STX8: variants seen among roughly 807,000 people sequenced by gnomAD.
STX8 encodes syntaxin 8.
In STX8, 23 loss-of-function variants were observed where a neutral mutation model predicts 37.5. The ratio of observed to expected loss-of-function variants is 0.61; its 90% confidence interval spans 0.44 to 0.87. The LOEUF (loss-of-function observed/expected upper bound fraction) is 0.87. Ranked by LOEUF, STX8 falls within the 40% of genes least tolerant of loss-of-function variation. The pLI is 0.00. For synonymous variants in STX8, 115 were observed against 99.1 expected (o/e 1.16, Z -0.95); for missense variants, 313 against 284.7 (o/e 1.10, Z -0.71).
chr17:9,287,234 G>T (rs1908108618), intron 7 of STX8, among the ~76,000 whole-genome samples: 1 of 152,258 alleles, frequency 6.6e-6, no homozygotes, highest in Admixed American at 6.5e-5. Flanking sequence ...CAGATTTGGG[G>T]TGGGGCAGGC....
chr17:9,557,812 C>T (rs1907039617), intron 2 of STX8, among the ~76,000 whole-genome samples: 3 of 152,186 alleles, frequency 2.0e-5, no homozygotes. Context: ...GTGCTCTCAC[C>T]ATCAGCTGAA....
At chr17:9,470,178 C>G (rs563214486) in intron 6 of STX8, among the ~76,000 whole-genome samples, 1 of 152,298 alleles carries the variant, frequency 6.6e-6, no homozygotes, top group South Asian at 2.1e-4. Context: ...AGATTTCACC[C>G]TCCTGGCAGG....
At chr17:9,501,417 G>A (rs1029971124) in intron 5 of STX8, among the ~76,000 whole-genome samples, 6 of 152,168 alleles carry the variant, frequency 3.9e-5, no homozygotes, top group Non-Finnish European at 7.3e-5. Context: ...GCCCATACGC[G>A]CAGCAGCTCA....
At position 9,541,422 on chromosome 17, in the gene STX8, C is replaced by T. The variant is rs1906272347; in HGVS notation, c.323+3750G>A. On this transcript the variant is annotated intron_variant, in intron 4 of 7. Coordinates refer to ENST00000306357, the MANE Select transcript of STX8 (RefSeq NM_004853.3). ...GAAGATCTCCGAAGCAATGAGGCAG[C>T]CTGAGTTCCCTCCTAGCCGGATGGA... Among the ~76,000 whole-genome samples the T allele has an allele frequency of 2.6e-5, 4 of 152,186 alleles. No homozygotes were observed. In the South Asian group the frequency reaches 6.2e-4, roughly 24 times the overall value.
chr17:9,405,235 C>A (rs1035345790), intron 6 of STX8, among the ~76,000 whole-genome samples: 2 of 152,102 alleles, frequency 1.3e-5, no homozygotes, highest in Non-Finnish European at 2.9e-5. Context: ...TAGAGTACCA[C>A]GTGTAATGAG....
At position 9,255,020 on chromosome 17, in the gene STX8, C is replaced by T. The variant is rs1465353497; in HGVS notation, c.644-4375G>A. On this transcript the variant is annotated intron_variant, in intron 7 of 7. Coordinates refer to ENST00000306357, the MANE Select transcript of STX8 (RefSeq NM_004853.3). ...AAATTCAAAAAGTGGCCAATGCCAA[C>T]CCACAATACTACAGAGACAAGATAG... is the stretch of plus-strand genomic sequence containing the variant. 2.0e-5 allele frequency among the ~76,000 whole-genome samples: 3 copies of T among 152,120 alleles called. No homozygotes were observed. In the East Asian group the frequency reaches 5.8e-4, roughly 29 times the overall value.
At chr17:9,277,823 C>T (rs73976026) in intron 7 of STX8, among the ~76,000 whole-genome samples, 3 of 151,980 alleles carry the variant, frequency 2.0e-5, no homozygotes, top group African/African-American at 7.3e-5. Flanking sequence ...TGGAAAGAAA[C>T]CCACTGTGGT....
intron 6 of STX8, among the ~76,000 whole-genome samples, chr17:9,423,341 T>C (rs1239463492): frequency 6.6e-6 from 1 of 152,224 alleles, no homozygotes; most frequent in East Asian, 1.9e-4. Flanking sequence ...CGTTGTTTTT[T>C]GAGACGGAGT....
At chr17:9,335,866 T>C (rs1910124560) in intron 7 of STX8, among the ~76,000 whole-genome samples, 1 of 144,738 alleles carries the variant, frequency 6.9e-6, no homozygotes, top group Admixed American at 6.9e-5. Context: ...CACGTAAATA[T>C]ACTCACATGA....
intron 6 of STX8, among the ~76,000 whole-genome samples, chr17:9,438,178 G>A (rs12946139): frequency 0.27 from 40,374 of 149,040 alleles, 5,715 homozygotes; most frequent in African/African-American, 0.34. Context: ...GGGAGGCGGA[G>A]GTTGCAGTGA....
chr17:9,443,172 G>T (rs544554351), intron 6 of STX8, among the ~76,000 whole-genome samples: 23 of 152,268 alleles, frequency 1.5e-4, no homozygotes, highest in African/African-American at 5.3e-4. Context: ...TCAAACACAG[G>T]CTTGGGAATG....
intron 4 of STX8, among the ~76,000 whole-genome samples, chr17:9,517,952 G>A (rs915407020): frequency 1.3e-5 from 2 of 152,288 alleles, no homozygotes; most frequent in Non-Finnish European, 2.9e-5. Context: ...CATGTGTGAT[G>A]TAAGAGTGGA....
At chr17:9,521,982 A>G (rs1180653118) in intron 4 of STX8, among the ~76,000 whole-genome samples, 1 of 152,200 alleles carries the variant, frequency 6.6e-6, no homozygotes, top group Admixed American at 6.5e-5. Flanking sequence ...CTAAATGAAA[A>G]CCTTGATGAA....
At chr17:9,265,493 A>G (rs1169767112) in intron 7 of STX8, among the ~76,000 whole-genome samples, 1 of 152,242 alleles carries the variant, frequency 6.6e-6, no homozygotes, top group Non-Finnish European at 1.5e-5. Context: ...TGCTTCTAAC[A>G]AGAGCCATGC....
chr17:9,323,446 C>T (rs1378240336), intron 7 of STX8, among the ~76,000 whole-genome samples: 1 of 152,132 alleles, frequency 6.6e-6, no homozygotes, highest in Non-Finnish European at 1.5e-5. Flanking sequence ...TTATAAACCA[C>T]AAATATTCTT....
In STX8 at chr17:9,509,760, G is replaced by A. The variant is rs181579480; in HGVS notation, c.324-4598C>T. Among the ~76,000 whole-genome samples, 7 of 151,020 alleles carry A rather than the reference G, an allele frequency of 4.6e-5. No individual in the cohort carries two copies. In the East Asian group the frequency reaches 1.2e-3, roughly 25 times the overall value. On this transcript the variant is annotated intron_variant, in intron 4 of 7. Coordinates refer to ENST00000306357, the MANE Select transcript of STX8 (RefSeq NM_004853.3). ...AGAAAACAATAAAATGACAAGATAA[G>A]TCCTCACCTATTAATAATAACCTTG...
intron 7 of STX8, among the ~76,000 whole-genome samples, chr17:9,300,944 T>G (rs567662303): frequency 6.8e-6 from 1 of 147,522 alleles, no homozygotes; most frequent in Non-Finnish European, 1.5e-5. Context: ...ACCATTCTCC[T>G]GCCTCAGCCT....
At chr17:9,557,355 C>A in intron 3 of STX8, 79 bp downstream of exon 3, 1 of 1,273,136 alleles carries the variant, frequency 7.9e-7, no homozygotes, top group African/African-American at 1.5e-5. Flanking sequence ...ATCTGGGTGG[C>A]CCAGATTCCT....
At chr17:9,570,164 A>AT (rs1039680643) in intron 1 of STX8, among the ~76,000 whole-genome samples, 1 of 152,000 alleles carries the variant, frequency 6.6e-6, no homozygotes, top group Non-Finnish European at 1.5e-5. Context: ...AAACCTTTCA[A>AT]TTCCCACATA....
Sources: gnomAD v4.1 joint callset for allele counts (sites outside exome capture counted in the v4.1 genomes callset) on GRCh38, gnomAD v4.1.1 for gene constraint, MANE v1.5 for transcripts, NCBI Gene and HGNC (gene_info 2026-07-23, HGNC 2026-07-21) for gene names.